TRIM71: variants seen among roughly 807,000 people sequenced by gnomAD.
TRIM71 encodes tripartite motif containing 71.
In TRIM71, 9 loss-of-function variants were observed where a neutral mutation model predicts 61.2. That is an observed-to-expected ratio of 0.15 (90% CI 0.09 to 0.26). TRIM71 has a LOEUF of 0.26. TRIM71 is among the 10% of genes least tolerant of loss of function. TRIM71 has a pLI of 1.00. For synonymous variants in TRIM71, 645 were observed against 553.2 expected, an observed-to-expected ratio of 1.17 and a Z score of -2.33; for missense variants, 998 against 1,238.7, an observed-to-expected ratio of 0.81 and a Z score of 2.92.
chr3:32,835,383 A>G (rs942349059), intron 1 of TRIM71, among the ~76,000 whole-genome samples: 5 of 152,196 alleles, frequency 3.3e-5, no homozygotes, highest in South Asian at 2.1e-4. Flanking sequence ...CTAAATGGTA[A>G]AAGCAGACAG....
At position 32,818,045 on chromosome 3, in the gene TRIM71, T is replaced by C; in HGVS notation, c.-36T>C. 1 of 1,598,540 alleles carries C rather than the reference T, an allele frequency of 6.3e-7. No individual in the cohort carries two copies. The highest frequency in any genetic ancestry group is 1.1e-5 in the South Asian group (1 of 90,568). On this transcript the variant is annotated 5_prime_UTR_variant, in exon 1 of 4. Transcript: ENST00000383763. ...TCTCTCCTCCTCCTCCTCCTCTTCC[T>C]CTCTGGTCTCCTCCCTCCTCCGGGC...
chr3:32,839,508 CG>C (rs1696378581), intron 1 of TRIM71, among the ~76,000 whole-genome samples: 1 of 152,070 alleles, frequency 6.6e-6, no homozygotes, highest in Non-Finnish European at 1.5e-5. Flanking sequence ...GGGATTACAG[CG>C]TGAGCCACAG....
chr3:32,841,027 A>C (rs1345005295), intron 1 of TRIM71, among the ~76,000 whole-genome samples: 1 of 152,046 alleles, frequency 6.6e-6, no homozygotes, highest in Non-Finnish European at 1.5e-5. Flanking sequence ...TGGGTGGACC[A>C]TGAGGTCAGG....
At chr3:32,830,407 T>A (rs1378900424) in intron 1 of TRIM71, among the ~76,000 whole-genome samples, 1 of 152,160 alleles carries the variant, frequency 6.6e-6, no homozygotes. Flanking sequence ...GAACGATAAT[T>A]TAGCAAGGGA....
At chr3:32,846,399 A>G (rs1023786566) in intron 1 of TRIM71, among the ~76,000 whole-genome samples, 1 of 152,234 alleles carries the variant, frequency 6.6e-6, no homozygotes, top group Non-Finnish European at 1.5e-5. Context: ...TTAAATTGGC[A>G]TAATAACTGT....
chr3:32,823,049 C>T (rs4909038), intron 1 of TRIM71, among the ~76,000 whole-genome samples: 37,630 of 152,076 alleles, frequency 0.25, 5,037 homozygotes, highest in African/African-American at 0.35. Flanking sequence ...GTGAATATGT[C>T]CTCTGAGTGC....
chr3:32,890,592 C>A lies in TRIM71; in HGVS notation c.1388C>A (p.Pro463His). Residue 463 changes from proline (P) to histidine (H), a missense_variant, in exon 4 of 4, where the codon CCC (proline) becomes CAC (histidine). Pro to His is a moderately conservative substitution (Grantham distance 77, BLOSUM62 -2). Coordinates refer to ENST00000383763, the MANE Select transcript of TRIM71 (RefSeq NM_001039111.3). This position sits in a 1 kb window ranked among gnomAD's most constrained non-coding sequence, Gnocchi z 6.2. ...GAAGACGACCGAGTCATGTTCACAC[C>A]CCCCGATCAGGCACTGTACCTTGCC... ...PQEDDRVMFT[P>H]PDQALYLAIK... The A allele has an allele frequency of 1.2e-6, 2 of 1,613,960 alleles. No individual in the cohort carries two copies. Among genetic ancestry groups the A allele is most frequent in the Non-Finnish European group, 1.7e-6 (2 of 1,180,036 alleles).
intron 1 of TRIM71, among the ~76,000 whole-genome samples, chr3:32,860,477 G>A (rs1160211557): frequency 6.6e-6 from 1 of 151,970 alleles, no homozygotes; most frequent in South Asian, 2.1e-4. Flanking sequence ...TCTTTAAAAA[G>A]GCCTTTAAAT....
intron 1 of TRIM71, among the ~76,000 whole-genome samples, chr3:32,856,923 G>T (rs1286193391): frequency 6.6e-6 from 1 of 152,084 alleles, no homozygotes; most frequent in Non-Finnish European, 1.5e-5. Context: ...CCACCACCCC[G>T]AGAGGAAATG....
chr3:32,848,896 A>C (rs374462599), intron 1 of TRIM71, among the ~76,000 whole-genome samples: 37 of 152,288 alleles, frequency 2.4e-4, no homozygotes, highest in East Asian at 1.9e-3. Flanking sequence ...GCCCTGCCAG[A>C]CACATCCCTA....
rs781675646 is a variant in TRIM71, at chr3:32,818,680, C to T, written c.600C>T (p.Ser200=). 20 of 1,557,966 alleles carry T rather than the reference C, an allele frequency of 1.3e-5. No individual in the cohort carries two copies. The highest frequency in any genetic ancestry group is 1.6e-5 in the Non-Finnish European group (19 of 1,160,362). Residue 200 remains serine, a synonymous_variant, in exon 1 of 4, where the codon AGC becomes AGT. Coordinates refer to ENST00000383763, the MANE Select transcript of TRIM71 (RefSeq NM_001039111.3). ...ALLLRRPHGC[S]SCDEGNAASS... ...TGCTCCGCCGTCCTCACGGCTGCAG[C>T]TCGTGCGATGAGGGCAACGCAGCTT...
At chr3:32,854,297 A>G (rs940113033) in intron 1 of TRIM71, among the ~76,000 whole-genome samples, 3 of 152,354 alleles carry the variant, frequency 2.0e-5, no homozygotes, top group South Asian at 4.1e-4. Flanking sequence ...TGCCTGGCCT[A>G]CATTCCCATT....
At chr3:32,847,964 T>C (rs1489110095) in intron 1 of TRIM71, among the ~76,000 whole-genome samples, 2 of 152,244 alleles carry the variant, frequency 1.3e-5, no homozygotes, top group African/African-American at 4.8e-5. Flanking sequence ...ATAACCAATC[T>C]AGAAATGATT....
At position 32,891,761 on chromosome 3, in the gene TRIM71, G is replaced by A. The variant is rs369352612; in HGVS notation, c.2557G>A (p.Gly853Arg). Residue 853 changes from glycine (G) to arginine (R), a missense_variant, in exon 4 of 4, where the codon GGA (glycine) becomes AGA (arginine). Physicochemically the swap from Gly to Arg is moderately radical, Grantham distance 125. Transcript: ENST00000383763. The surrounding 1 kb of genome is among the most constrained non-coding windows in gnomAD (Gnocchi z 8.2). ...TTCCGGCATCGCCATCACCCCCGAC[G>A]GAATGATCGTTGTGGTGGACTTTGG... ...RPSGIAITPD[G>R]MIVVVDFGNN... The A allele has an allele frequency of 2.9e-5, 47 of 1,613,924 alleles. No homozygotes were observed. Among genetic ancestry groups the A allele is most frequent in the Non-Finnish European group, 7.6e-6 (9 of 1,180,042 alleles).
At chr3:32,841,541 G>A (rs969600807) in intron 1 of TRIM71, among the ~76,000 whole-genome samples, 1 of 151,954 alleles carries the variant, frequency 6.6e-6, no homozygotes, top group Non-Finnish European at 1.5e-5. Context: ...GGGCGTGGTG[G>A]CGTGTGCAGT....
At chr3:32,853,120 CT>C (rs57169750) in intron 1 of TRIM71, among the ~76,000 whole-genome samples, 4,827 of 97,006 alleles carry the variant, frequency 0.05, 229 homozygotes, top group African/African-American at 0.17. Context: ...CTCTCTCTCT[CT>C]TTTTTTTTTT....
intron 3 of TRIM71, among the ~76,000 whole-genome samples, chr3:32,888,028 T>C (rs898796700): frequency 3.3e-5 from 5 of 152,102 alleles, no homozygotes; most frequent in African/African-American, 1.2e-4. Flanking sequence ...CAGGGGGAAA[T>C]TGCTTAGAAT....
At chr3:32,834,147 G>A (rs1002041783) in intron 1 of TRIM71, among the ~76,000 whole-genome samples, 4 of 152,222 alleles carry the variant, frequency 2.6e-5, no homozygotes, top group Admixed American at 6.5e-5. Flanking sequence ...ACCTCCATGT[G>A]TATGGATGAA....
At chr3:32,853,691 G>A (rs1389685021) in intron 1 of TRIM71, among the ~76,000 whole-genome samples, 1 of 152,196 alleles carries the variant, frequency 6.6e-6, no homozygotes, top group Non-Finnish European at 1.5e-5. Flanking sequence ...AGTTTGTCAA[G>A]TCTGGAGTTT....
Sources: gnomAD v4.1 joint callset for allele counts (sites outside exome capture counted in the v4.1 genomes callset) on GRCh38, gnomAD v4.1.1 for gene constraint, Gnocchi (gnomAD v3.1) non-coding constraint, MANE v1.5 for transcripts, NCBI Gene and HGNC (gene_info 2026-07-23, HGNC 2026-07-21) for gene names.